SHISA9: variants seen among roughly 807,000 people sequenced by gnomAD.
SHISA9 encodes protein shisa-9.
SHISA9 carries 13 observed loss-of-function variants against 38.0 expected under a neutral mutation model. That is an observed-to-expected ratio of 0.34 (90% confidence interval 0.22 to 0.54). The LOEUF (loss-of-function observed/expected upper bound fraction) is 0.54, where lower values mean the gene tolerates loss of function less well. Among genes scored for constraint, SHISA9 ranks in the 20% least tolerant of loss-of-function variants. The pLI, the probability that SHISA9 is intolerant of heterozygous loss-of-function variation, is 0.91. For missense variants in SHISA9, 538 were observed against 575.8 expected (o/e 0.93, Z 0.67); for synonymous variants, 275 against 242.0 (o/e 1.14, Z -1.27).
chr16:12,904,457 G>A (rs1264211511), intron 1 of SHISA9, among the ~76,000 whole-genome samples: 3 of 152,172 alleles, frequency 2.0e-5, no homozygotes, highest in African/African-American at 4.8e-5. Flanking sequence ...TGATCTGGGC[G>A]TTCTGGTGAC....
intron 2 of SHISA9, among the ~76,000 whole-genome samples, chr16:13,110,869 C>T (rs1225900269): frequency 6.6e-6 from 1 of 152,194 alleles, no homozygotes; most frequent in African/African-American, 2.4e-5. Context: ...TTAGTGGTAA[C>T]TGATCCTCCC....
chr16:13,538,564 G>A, the SHISA9 span, among the ~76,000 whole-genome samples: 1 of 152,172 alleles, frequency 6.6e-6, no homozygotes, highest in African/African-American at 2.4e-5. Flanking sequence ...GGCAATGTAT[G>A]TTTTTGCTTC....
At chr16:12,937,799 G>C (rs1389149510) in intron 2 of SHISA9, among the ~76,000 whole-genome samples, 1 of 152,208 alleles carries the variant, frequency 6.6e-6, no homozygotes, top group Non-Finnish European at 1.5e-5. Flanking sequence ...TTGGGGGTTA[G>C]GGTTTCAACA....
chr16:13,226,654 G>A (rs985942462), intron 4 of SHISA9, among the ~76,000 whole-genome samples: 2 of 152,274 alleles, frequency 1.3e-5, no homozygotes, highest in East Asian at 1.9e-4. Flanking sequence ...CTGGGTCAAC[G>A]GAGAAGTTCT....
rs1261425449 is a variant in SHISA9, at chr16:12,935,903, G to C, written c.691+19088G>C. On this transcript the variant is annotated intron_variant, in intron 2 of 4. Transcript: ENST00000558583. ...TATGAGATGGAGGATATATTGAGGGGAAGGAGATGTGAGTGGACATGAGGG... is the reference window on the plus strand; with the variant it reads ...TATGAGATGGAGGATATATTGAGGGCAAGGAGATGTGAGTGGACATGAGGG... Among the ~76,000 whole-genome samples the C allele has an allele frequency of 3.3e-5, 5 of 151,898 alleles. No individual in the cohort carries two copies. The East Asian group carries it at 7.7e-4, about 24-fold the overall frequency.
the SHISA9 span, among the ~76,000 whole-genome samples, chr16:13,265,916 T>G: frequency 6.6e-6 from 1 of 152,162 alleles, no homozygotes; most frequent in Admixed American, 6.5e-5. Flanking sequence ...CTGAAATCAA[T>G]TTCCTAAACT....
At chr16:13,003,610 C>T (rs946674272) in intron 2 of SHISA9, among the ~76,000 whole-genome samples, 1 of 152,130 alleles carries the variant, frequency 6.6e-6, no homozygotes, top group African/African-American at 2.4e-5. Context: ...GTAATCCCAG[C>T]ATTTTGGGAG....
rs2050338887 is a variant in SHISA9 at position 13,135,230 on chromosome 16, G to GC, written c.692-68163dup. ...TGGATTGTGAGGAGCAAATGTATCA[G>GC]CAGGTATGAAACTGTCACACATTGT... On this transcript the variant is annotated intron_variant, in intron 2 of 4. Transcript: ENST00000558583. Among the ~76,000 whole-genome samples, 4 of 152,334 alleles carry GC rather than the reference G, an allele frequency of 2.6e-5. No homozygotes were observed. The South Asian group carries it at 8.3e-4, about 32-fold the overall frequency.
At chr16:13,301,778 A>G in the SHISA9 span, among the ~76,000 whole-genome samples, 5 of 152,170 alleles carry the variant, frequency 3.3e-5, no homozygotes, top group Admixed American at 2.6e-4. Flanking sequence ...AGAAGCAAGG[A>G]GCATGGGCTT....
intron 2 of SHISA9, among the ~76,000 whole-genome samples, chr16:13,030,759 A>G (rs1279484669): frequency 6.6e-6 from 1 of 152,228 alleles, no homozygotes; most frequent in East Asian, 1.9e-4. Context: ...GTAGGAAAAA[A>G]TTAACTATTC....
chr16:13,003,204 C>T (rs993226032), intron 2 of SHISA9, among the ~76,000 whole-genome samples: 1 of 152,168 alleles, frequency 6.6e-6, no homozygotes, highest in African/African-American at 2.4e-5. Context: ...TCAAACCCTG[C>T]AGGTCTTGTA....
intron 2 of SHISA9, among the ~76,000 whole-genome samples, chr16:12,959,427 A>G (rs2071879351): frequency 1.3e-5 from 2 of 152,206 alleles, no homozygotes; most frequent in African/African-American, 2.4e-5. Flanking sequence ...AGGGAAGGCT[A>G]TGACTTTGCA....
chr16:13,304,171 A>G, the SHISA9 span, among the ~76,000 whole-genome samples: 120 of 152,292 alleles, frequency 7.9e-4, no homozygotes, highest in African/African-American at 2.8e-3. Context: ...GCAACAATGA[A>G]CTATTCTCCT....
chr16:13,492,736 T>G, the SHISA9 span, among the ~76,000 whole-genome samples: 3 of 152,244 alleles, frequency 2.0e-5, no homozygotes, highest in African/African-American at 7.2e-5. Flanking sequence ...TGGGGCAAAA[T>G]GCTTTTGTTT....
intron 2 of SHISA9, among the ~76,000 whole-genome samples, chr16:13,169,500 A>G (rs1423778466): frequency 6.6e-6 from 1 of 152,230 alleles, no homozygotes; most frequent in East Asian, 1.9e-4. Context: ...TCATAATCCC[A>G]TTAAATTCCT....
intron 2 of SHISA9, among the ~76,000 whole-genome samples, chr16:13,189,546 C>T (rs915500711): frequency 4.6e-5 from 7 of 152,134 alleles, no homozygotes; most frequent in African/African-American, 1.4e-4. Flanking sequence ...AAAGTTTTTA[C>T]GTGGTTAATG....
At chr16:13,211,557 C>G (rs2051120174) in intron 3 of SHISA9, among the ~76,000 whole-genome samples, 1 of 152,184 alleles carries the variant, frequency 6.6e-6, no homozygotes, top group South Asian at 2.1e-4. Flanking sequence ...TACCTTAGGT[C>G]TACTTCCTCT....
At chr16:13,009,874 C>T (rs2072648396) in intron 2 of SHISA9, among the ~76,000 whole-genome samples, 1 of 152,106 alleles carries the variant, frequency 6.6e-6, no homozygotes, top group Admixed American at 6.6e-5. Context: ...GCCTGTTTTT[C>T]CTTTTTATAG....
chr16:13,388,490 T>G, the SHISA9 span, among the ~76,000 whole-genome samples: 17 of 151,984 alleles, frequency 1.1e-4, no homozygotes, highest in Non-Finnish European at 2.5e-4. Context: ...TTTTGTATTT[T>G]TAGTAGAGAC....
Sources: allele counts gnomAD v4.1 joint callset (sites outside exome capture counted in the v4.1 genomes callset), GRCh38; gene constraint gnomAD v4.1.1; transcripts MANE v1.5; gene names NCBI Gene and HGNC (gene_info 2026-07-23, HGNC 2026-07-21).